The following FAT3 variants were observed in gnomAD, a reference collection of about 807,000 sequenced individuals.
FAT3 encodes FAT atypical cadherin 3.
FAT3 carries 95 observed loss-of-function variants against 310.2 expected under a neutral mutation model. That is an observed-to-expected ratio of 0.31 (90% CI 0.26 to 0.36). The LOEUF is 0.36. FAT3 is among the 10% of genes least tolerant of loss of function. FAT3 has a pLI of 1.00. For missense variants in FAT3, 5,408 were observed against 5,715.6 expected, an observed-to-expected ratio of 0.95 and a Z score of 1.74; for synonymous variants, 2,314 against 2,192.9, an observed-to-expected ratio of 1.06 and a Z score of -1.54.
intron 2 of FAT3, among the ~76,000 whole-genome samples, chr11:92,466,021 C>G (rs967887520): frequency 2.6e-5 from 4 of 152,108 alleles, no homozygotes; most frequent in African/African-American, 9.7e-5. Context: ...ATGTACATCA[C>G]CTGATTTCAT....
At chr11:92,663,274 GA>G (rs1384562392) in intron 3 of FAT3, among the ~76,000 whole-genome samples, 1 of 152,142 alleles carries the variant, frequency 6.6e-6, no homozygotes, top group Admixed American at 6.5e-5. Flanking sequence ...TTTCTGTCTT[GA>G]GCATTCAGGT....
intron 1 of FAT3, among the ~76,000 whole-genome samples, chr11:92,247,616 G>A (rs1186937762): frequency 2.0e-5 from 3 of 151,842 alleles, no homozygotes; most frequent in Admixed American, 6.6e-5. Flanking sequence ...TTCCTACCAA[G>A]CATTACCAGT....
At chr11:92,300,331 C>T (rs1220282944) in intron 1 of FAT3, among the ~76,000 whole-genome samples, 1 of 152,096 alleles carries the variant, frequency 6.6e-6, no homozygotes, top group East Asian at 1.9e-4. Flanking sequence ...CATTTATGTT[C>T]CTGTGAGAGT....
In FAT3 at chr11:92,354,963, G is replaced by C. The variant is rs1333404853; in HGVS notation, c.2851G>C (p.Val951Leu). The C allele has an allele frequency of 1.9e-6, 3 of 1,613,834 alleles. No individual in the cohort carries two copies. Among genetic ancestry groups the C allele is most frequent in the Admixed American group, 3.3e-5 (2 of 59,954 alleles). The change falls in exon 2 of 28, where the codon GTT becomes CTT. Residue 951 changes from valine (V) to leucine (L), a missense_variant. Coordinates refer to ENST00000525166, the MANE Select transcript of FAT3 (RefSeq NM_001367949.2). ...YSVKVLEDLP[V>L]GTVIAWLETH... ...TGTGAAGGTTCTTGAAGATCTCCCTGTTGGCACTGTCATTGCTTGGCTTGA... is the reference window on the plus strand; with the variant it reads ...TGTGAAGGTTCTTGAAGATCTCCCTCTTGGCACTGTCATTGCTTGGCTTGA...
At chr11:92,500,491 T>C (rs1211007039) in intron 2 of FAT3, among the ~76,000 whole-genome samples, 1 of 151,992 alleles carries the variant, frequency 6.6e-6, no homozygotes, top group East Asian at 1.9e-4. Flanking sequence ...TATGATGAAA[T>C]GTTTCAAAAT....
At chr11:92,290,042 C>T (rs1946652374) in intron 1 of FAT3, among the ~76,000 whole-genome samples, 1 of 152,110 alleles carries the variant, frequency 6.6e-6, no homozygotes, top group Admixed American at 6.5e-5. Context: ...AAGGCCTGCT[C>T]CCACCTGATG....
intron 1 of FAT3, among the ~76,000 whole-genome samples, chr11:92,320,511 G>A (rs979193947): frequency 6.6e-6 from 1 of 152,182 alleles, no homozygotes; most frequent in African/African-American, 2.4e-5. Context: ...TGGTGGTTAA[G>A]ATAGCACTAA....
chr11:92,765,148 G>GT, intron 6 of FAT3, 59 bp downstream of exon 6: 11 of 1,069,960 alleles, frequency 1.0e-5, no homozygotes, highest in Non-Finnish European at 1.1e-5. Context: ...GAAGCAACTA[G>GT]GAAAAAAAAA....
intron 4 of FAT3, among the ~76,000 whole-genome samples, chr11:92,705,872 A>ATGG (rs1591631186): frequency 3.9e-5 from 1 of 25,452 alleles, no homozygotes; most frequent in Admixed American, 3.8e-4. Context: ...TGGTGGTGTG[A>ATGG]TGGTGGTGGT....
chr11:92,432,573 C>T (rs1423631550), intron 2 of FAT3, among the ~76,000 whole-genome samples: 3 of 152,156 alleles, frequency 2.0e-5, no homozygotes, highest in Non-Finnish European at 4.4e-5. Flanking sequence ...ACCCTGTTTG[C>T]CTGAGTGTCA....
chr11:92,668,659 C>T (rs1035731715), intron 3 of FAT3, among the ~76,000 whole-genome samples: 1 of 152,190 alleles, frequency 6.6e-6, no homozygotes, highest in Admixed American at 6.5e-5. Context: ...CCTGCAGGAC[C>T]TTCATGAGAT....
At chr11:92,839,548 T>G (rs1035396754) in intron 17 of FAT3, among the ~76,000 whole-genome samples, 4 of 152,218 alleles carry the variant, frequency 2.6e-5, no homozygotes, top group Admixed American at 6.5e-5. Flanking sequence ...CAACCCTGAA[T>G]GACGTTCTTA....
At chr11:92,844,818 C>T in intron 19 of FAT3, 86 bp downstream of exon 19, 1 of 1,352,312 alleles carries the variant, frequency 7.4e-7, no homozygotes, top group Non-Finnish European at 9.9e-7. Flanking sequence ...TGCATTCAAT[C>T]ATTCGTTCAA....
In FAT3 at chr11:92,354,783, C is replaced by G; in HGVS notation, c.2671C>G (p.Gln891Glu). Residue 891 changes from glutamine (Q) to glutamate (E), a missense_variant, in exon 2 of 28, where the codon CAG becomes GAG. Coordinates refer to ENST00000525166, the MANE Select transcript of FAT3 (RefSeq NM_001367949.2). ...AACTGGAATCGTTTATGTAGCCGAC[C>G]AGTTGGACCGGGAATCCAAAGCCAA... ...SSTGIVYVAD[Q>E]LDRESKANYS... The G allele has an allele frequency of 6.2e-7, 1 of 1,613,880 alleles. No individual in the cohort carries two copies. The highest frequency in any genetic ancestry group is 8.5e-7 in the Non-Finnish European group (1 of 1,179,870).
chr11:92,775,917 G>A (rs907005410), intron 7 of FAT3, among the ~76,000 whole-genome samples: 1 of 152,076 alleles, frequency 6.6e-6, no homozygotes, highest in Non-Finnish European at 1.5e-5. Context: ...TAGACACATG[G>A]AAAGAACCCA....
Position 92,366,603 on chromosome 11 carries a change from A to G in FAT3, c.3292+11199A>G, listed in dbSNP as rs1045637786. 6 of 528,038 alleles carry G rather than the reference A, an allele frequency of 1.1e-5. No individual in the cohort carries two copies. The East Asian group carries it at 3.2e-4, about 28-fold the overall frequency. 32.7% of individuals were successfully genotyped at this position (528,038 alleles called of 1,614,324 possible). A position where few individuals can be genotyped will look rare whatever the true frequency, so the allele number is the denominator to read the frequency against. On this transcript the variant is annotated intron_variant, in intron 2 of 27. Transcript: ENST00000525166. The stretch of plus-strand genomic sequence containing the variant: ...CTTCAAGTCCTTGTCCAATTCATAG[A>G]CAATGGGAATAACCAGTTGACAGGT...
In FAT3 at chr11:92,799,260, G is replaced by T. The variant is rs565109231; in HGVS notation, c.6247G>T (p.Val2083Phe). 1 of 1,613,918 alleles carries T rather than the reference G, an allele frequency of 6.2e-7. No individual in the cohort carries two copies. Among genetic ancestry groups the T allele is most frequent in the African/African-American group, 1.3e-5 (1 of 75,016 alleles). The change falls in exon 10 of 28, where the codon GTC becomes TTC. Residue 2083 changes from valine (V) to phenylalanine (F), a missense_variant. Val to Phe is a conservative substitution (Grantham distance 50). Coordinates refer to ENST00000525166, the MANE Select transcript of FAT3 (RefSeq NM_001367949.2). ...NIEDINDNSPVFVGLPYYAAV... is the reference protein window; with the variant it reads ...NIEDINDNSPFFVGLPYYAAV... ...TGAAGACATAAATGACAATTCTCCA[G>T]TCTTTGTGGGCCTCCCATACTATGC... is the stretch of plus-strand genomic sequence containing the variant.
At chr11:92,315,512 T>TATATAGAGAG (rs1353970811) in intron 1 of FAT3, among the ~76,000 whole-genome samples, 33 of 56,164 alleles carry the variant, frequency 5.9e-4, no homozygotes, top group Non-Finnish European at 9.6e-4. Flanking sequence ...TATATATATA[T>TATATAGAGAG]AGAGAGAGAG....
chr11:92,248,277 A>G (rs1311867585), intron 1 of FAT3, among the ~76,000 whole-genome samples: 1 of 152,158 alleles, frequency 6.6e-6, no homozygotes, highest in African/African-American at 2.4e-5. Context: ...AGTTGCAAAA[A>G]TCAGATAAAA....
Sources: gnomAD v4.1 joint callset for allele counts (sites outside exome capture counted in the v4.1 genomes callset) on GRCh38, gnomAD v4.1.1 for gene constraint, MANE v1.5 for transcripts, NCBI Gene and HGNC (gene_info 2026-07-23, HGNC 2026-07-21) for gene names.